The following SSH2 variants were observed in gnomAD, a reference collection of about 807,000 sequenced individuals.
SSH2 encodes the protein slingshot protein phosphatase 2.
In SSH2, 37 loss-of-function variants were observed where a neutral mutation model predicts 135.2. That is an observed-to-expected ratio of 0.27 (90% CI 0.21 to 0.36). The LOEUF is 0.36. Ranked by LOEUF, SSH2 falls within the 10% of genes least tolerant of loss-of-function variation. SSH2 has a pLI of 1.00. For missense variants in SSH2, 1,408 were observed against 1,765.3 expected, an observed-to-expected ratio of 0.80 and a Z score of 3.63; for synonymous variants, 628 against 646.2, an observed-to-expected ratio of 0.97 and a Z score of 0.43.
intron 3 of SSH2, among the ~76,000 whole-genome samples, chr17:29,740,863 G>A (rs2040530634): frequency 6.6e-6 from 1 of 152,196 alleles, no homozygotes; most frequent in Admixed American, 6.5e-5. Context: ...ACCTAAGCAA[G>A]TCTGTTTGCT....
chr17:29,720,726 T>TA lies in SSH2; in HGVS notation c.189-17665dup, dbSNP rs879703515. Among the ~76,000 whole-genome samples, 386 of 144,524 alleles carry TA rather than the reference T, an allele frequency of 2.7e-3. 3 individuals carry two copies. The highest frequency in any genetic ancestry group is 7.0e-3 in the Middle Eastern group (2 of 284). 94.8% of individuals were successfully genotyped at this position (144,524 alleles called of 152,430 possible). A position where few individuals can be genotyped will look rare whatever the true frequency, so the allele number is the denominator to read the frequency against. The stretch of plus-strand genomic sequence containing the variant: ...ACTTGCAAAAGCAGTTAACTTTTGT[T>TA]AAAAAAAAAAAATTAACGATGATGG... On this transcript the variant is annotated intron_variant, in intron 3 of 15. Transcript: ENST00000540801.
At position 29,632,415 on chromosome 17, in the gene SSH2, T is replaced by C. The variant is rs2035723763; in HGVS notation, c.2779A>G (p.Lys927Glu). Reference protein sequence around the residue: ...CTSLSTRKNSKNDSSVADLAP... With the variant: ...CTSLSTRKNSENDSSVADLAP... The stretch of plus-strand genomic sequence containing the variant: ...AGGTCTGCCACAGAAGAATCATTCT[T>C]TGAATTCTTACGAGTGGACAATGAG... Residue 927 changes from lysine (K) to glutamate (E), a missense_variant, in exon 16 of 16, where the codon AAG becomes GAG. By Grantham distance (56) the Lys-to-Glu change is moderately conservative. Transcript: ENST00000540801. 6.2e-7 allele frequency: 1 copy of C among 1,614,098 alleles called. No homozygotes were observed. Among genetic ancestry groups the C allele is most frequent in the Admixed American group, 1.7e-5 (1 of 60,010 alleles).
chr17:29,649,556 A>T (rs1046513665), intron 13 of SSH2, among the ~76,000 whole-genome samples: 3 of 151,824 alleles, frequency 2.0e-5, no homozygotes, highest in African/African-American at 7.3e-5. Context: ...CCGGCTAATT[A>T]AAAAAAAATT....
intron 2 of SSH2, among the ~76,000 whole-genome samples, chr17:29,808,274 GCC>G (rs1567986621): frequency 1.3e-5 from 2 of 152,102 alleles, no homozygotes. Flanking sequence ...GATTACAGGC[GCC>G]CGCCATCACG....
intron 5 of SSH2, among the ~76,000 whole-genome samples, chr17:29,691,094 G>T (rs1271421002): frequency 1.3e-5 from 2 of 150,066 alleles, no homozygotes; most frequent in Non-Finnish European, 3.0e-5. Context: ...CATTGTTTGG[G>T]AGAAAAAAAA....
intron 5 of SSH2, among the ~76,000 whole-genome samples, chr17:29,694,637 C>A (rs1365141947): frequency 6.6e-6 from 1 of 152,084 alleles, no homozygotes; most frequent in African/African-American, 2.4e-5. Context: ...CCACTGCACT[C>A]CAGCCTGGGC....
At chr17:29,809,190 G>GT in intron 2 of SSH2, among the ~76,000 whole-genome samples, 1 of 152,300 alleles carries the variant, frequency 6.6e-6, no homozygotes, top group Non-Finnish European at 1.5e-5. Context: ...GGAAGCGGAG[G>GT]TTGCAGTCAG....
intron 1 of SSH2, among the ~76,000 whole-genome samples, chr17:29,890,886 G>T (rs547000117): frequency 5.9e-5 from 9 of 152,258 alleles, no homozygotes; most frequent in African/African-American, 1.9e-4. Flanking sequence ...CTCCCGAGTA[G>T]CTGGGACTAC....
At chr17:29,666,828 T>TA in intron 11 of SSH2, 39 bp downstream of exon 11, 1 of 1,606,136 alleles carries the variant, frequency 6.2e-7, no homozygotes, top group Non-Finnish European at 8.5e-7. Context: ...CCATATGGGC[T>TA]AGCGTTAGCA....
chr17:29,729,737 A>G lies in SSH2; in HGVS notation c.189-26675T>C, dbSNP rs2040117109. On this transcript the variant is annotated intron_variant, in intron 3 of 15. Transcript: ENST00000540801. ...ATGAGGTCCTGTCTTTTGCAACAACATGGATGGACTGGAGGTCATTATGTT... is the reference window on the plus strand; with the variant it reads ...ATGAGGTCCTGTCTTTTGCAACAACGTGGATGGACTGGAGGTCATTATGTT... Among the ~76,000 whole-genome samples the G allele has an allele frequency of 1.3e-5, 2 of 152,186 alleles. 1 individual carries two copies. The highest frequency in any genetic ancestry group is 4.8e-5 in the African/African-American group (2 of 41,456).
intron 1 of SSH2, among the ~76,000 whole-genome samples, chr17:29,913,339 A>T (rs1217976007): frequency 2.1e-4 from 11 of 51,854 alleles, no homozygotes; most frequent in East Asian, 1.6e-3. Flanking sequence ...AAAAAAAAAA[A>T]AAAAAAAAAT....
At chr17:29,929,289 A>G (rs2067133196) in intron 1 of SSH2, 1 of 153,654 alleles carries the variant, frequency 6.5e-6, no homozygotes, top group Non-Finnish European at 1.5e-5. Flanking sequence ...GACACTGATC[A>G]CTAAGCAGCA....
intron 3 of SSH2, among the ~76,000 whole-genome samples, chr17:29,706,891 C>T (rs1038015243): frequency 6.6e-6 from 1 of 152,146 alleles, no homozygotes; most frequent in Non-Finnish European, 1.5e-5. Flanking sequence ...CAGTGGCTCA[C>T]GCTTGTAATC....
At chr17:29,691,918 C>A (rs2038496453) in intron 5 of SSH2, among the ~76,000 whole-genome samples, 1 of 151,506 alleles carries the variant, frequency 6.6e-6, no homozygotes, top group African/African-American at 2.4e-5. Context: ...ATGGGCAGAT[C>A]ACTTGAGGTC....
chr17:29,799,250 G>A (rs566962221), intron 2 of SSH2, among the ~76,000 whole-genome samples: 11 of 152,140 alleles, frequency 7.2e-5, no homozygotes, highest in Admixed American at 3.3e-4. Flanking sequence ...ATTCTTGTAC[G>A]TGTCTTTTGG....
At chr17:29,754,648 T>C (rs2041056217) in intron 3 of SSH2, among the ~76,000 whole-genome samples, 1 of 152,094 alleles carries the variant, frequency 6.6e-6, no homozygotes, top group Non-Finnish European at 1.5e-5. Context: ...GTTTTCATAA[T>C]GGGAATATTT....
At chr17:29,923,723 G>A (rs1030039787) in intron 1 of SSH2, among the ~76,000 whole-genome samples, 4 of 152,024 alleles carry the variant, frequency 2.6e-5, no homozygotes, top group Admixed American at 6.6e-5. Context: ...GAATGGAGCC[G>A]GGTGCGGTGG....
chr17:29,783,786 G>A (rs184697247), intron 3 of SSH2, among the ~76,000 whole-genome samples: 51 of 152,236 alleles, frequency 3.4e-4, no homozygotes, highest in African/African-American at 1.2e-3. Context: ...AATTGGGGGG[G>A]CCGGGCGCGG....
At chr17:29,718,400 T>C (rs1475872548) in intron 3 of SSH2, among the ~76,000 whole-genome samples, 1 of 152,190 alleles carries the variant, frequency 6.6e-6, no homozygotes, top group Non-Finnish European at 1.5e-5. Context: ...TATTGATGCA[T>C]AGCAAATTAT....
Sources: allele counts gnomAD v4.1 joint callset (sites outside exome capture counted in the v4.1 genomes callset), GRCh38; gene constraint gnomAD v4.1.1; transcripts MANE v1.5; gene names NCBI Gene and HGNC (gene_info 2026-07-23, HGNC 2026-07-21).